Variants in PSD3 observed in about 807,000 individuals in gnomAD.
PSD3 encodes PH and SEC7 domain-containing protein 3.
In PSD3, 49 loss-of-function variants were observed where a neutral mutation model predicts 105.5. The observed-to-expected ratio is 0.46, with a 90% CI of 0.37 to 0.59. The LOEUF is 0.59. Among genes scored for constraint, PSD3 ranks in the 20% least tolerant of loss-of-function variants. The pLI, the probability that PSD3 is intolerant of heterozygous loss-of-function variation, is 0.00. For synonymous variants in PSD3, 557 were observed against 457.8 expected (o/e 1.22, Z -2.77); for missense variants, 1,561 against 1,263.8 (o/e 1.24, Z -3.57).
intron 11 of PSD3, among the ~76,000 whole-genome samples, chr8:18,601,013 T>C (rs1454228771): frequency 2.6e-5 from 4 of 152,260 alleles, no homozygotes; most frequent in African/African-American, 9.6e-5. Flanking sequence ...TGTACTATTT[T>C]CGTCTAAATG....
At chr8:18,994,687 C>A (rs1381408760) in intron 1 of PSD3, among the ~76,000 whole-genome samples, 10 of 151,904 alleles carry the variant, frequency 6.6e-5, no homozygotes, top group African/African-American at 2.2e-4. Context: ...ATATTACCTA[C>A]ATTACTTCCA....
intron 14 of PSD3, among the ~76,000 whole-genome samples, chr8:18,558,182 C>A (rs1801191953): frequency 6.6e-6 from 1 of 152,194 alleles, no homozygotes; most frequent in African/African-American, 2.4e-5. Context: ...TTTGTTATGG[C>A]AGCCTGAGCT....
intron 9 of PSD3, among the ~76,000 whole-genome samples, chr8:18,760,957 C>T (rs1806476228): frequency 6.6e-6 from 1 of 152,208 alleles, no homozygotes; most frequent in South Asian, 2.1e-4. Context: ...TAATTCACAT[C>T]TCCATCAATA....
upstream of PSD3, among the ~76,000 whole-genome samples, chr8:19,017,050 C>CTTT (rs60211350): frequency 2.6e-5 from 3 of 115,598 alleles, no homozygotes; most frequent in Non-Finnish European, 3.6e-5. Context: ...TGGCTACATA[C>CTTT]TTTTTTTTTT....
chr8:18,710,994 A>T (rs1802217555), intron 9 of PSD3, among the ~76,000 whole-genome samples: 1 of 125,632 alleles, frequency 8.0e-6, no homozygotes, highest in Non-Finnish European at 1.6e-5. Flanking sequence ...CAACATTCTT[A>T]AAAAAAAGAA....
chr8:18,949,928 G>A (rs1352860607), intron 1 of PSD3, among the ~76,000 whole-genome samples: 1 of 151,964 alleles, frequency 6.6e-6, no homozygotes, highest in Non-Finnish European at 1.5e-5. Flanking sequence ...TACATTATAT[G>A]GGTGCTTAAT....
chr8:18,738,243 C>T (rs1804298551), intron 9 of PSD3, among the ~76,000 whole-genome samples: 1 of 152,092 alleles, frequency 6.6e-6, no homozygotes, highest in Non-Finnish European at 1.5e-5. Flanking sequence ...GTGGGAAAAC[C>T]ATGGCAGTGA....
rs74304234 is a variant in PSD3, at chr8:19,053,493, G to A, written c.324+30713C>T. 2.0e-3 allele frequency among the ~76,000 whole-genome samples: 303 copies of A among 152,268 alleles called. 5 individuals carry two copies. In the East Asian group the frequency reaches 0.043, roughly 22 times the overall value. ...TTAAGATGAACTTGGAAAAACATCT[G>A]AAGCCTAATCAAGAGGGAACACAGG... On this transcript the variant is annotated intron_variant, in intron 1 of 1. Coordinates refer to the PSD3 transcript ENST00000521475.
At chr8:18,774,964 A>G (rs1486010706) in intron 8 of PSD3, 4 of 456,018 alleles carry the variant, frequency 8.8e-6, no homozygotes, top group African/African-American at 4.0e-5. Flanking sequence ...AGGGAAAGAG[A>G]AAAGTGCCCA....
At chr8:18,918,125 G>T (rs1184948690) in intron 2 of PSD3, among the ~76,000 whole-genome samples, 2 of 152,006 alleles carry the variant, frequency 1.3e-5, no homozygotes, top group African/African-American at 4.8e-5. Flanking sequence ...CTTTAGCATG[G>T]CACGTAAGAC....
intron 11 of PSD3, among the ~76,000 whole-genome samples, chr8:18,625,731 T>C (rs2130736021): frequency 6.6e-6 from 1 of 152,330 alleles, no homozygotes; most frequent in Admixed American, 6.5e-5. Flanking sequence ...TGCTATTCTA[T>C]ACTACATCCT....
intron 8 of PSD3, among the ~76,000 whole-genome samples, chr8:18,792,096 A>C (rs1374800385): frequency 6.6e-6 from 1 of 152,212 alleles, no homozygotes; most frequent in Non-Finnish European, 1.5e-5. Context: ...AAGAAAAAGG[A>C]ATGCTTTTAC....
chr8:18,613,668 G>T (rs947243354), intron 11 of PSD3, among the ~76,000 whole-genome samples: 4 of 152,080 alleles, frequency 2.6e-5, no homozygotes, highest in African/African-American at 9.7e-5. Context: ...ACTTCAGTTA[G>T]GTCTCTGCTC....
chr8:18,598,783 T>C (rs1380875506), intron 12 of PSD3, among the ~76,000 whole-genome samples: 1 of 151,980 alleles, frequency 6.6e-6, no homozygotes, highest in Admixed American at 6.6e-5. Flanking sequence ...AATAATACCA[T>C]TTACAACAGC....
At chr8:18,900,643 CTTTT>C (rs34004085) in intron 2 of PSD3, among the ~76,000 whole-genome samples, 2 of 83,978 alleles carry the variant, frequency 2.4e-5, no homozygotes. Context: ...AGAGACAACT[CTTTT>C]TTTTTTTTTT....
chr8:18,705,806 T>A (rs1265463736), intron 9 of PSD3, among the ~76,000 whole-genome samples: 1 of 152,188 alleles, frequency 6.6e-6, no homozygotes, highest in African/African-American at 2.4e-5. Flanking sequence ...GAATGAGTAT[T>A]CGTGATCAAG....
chr8:18,974,802 C>A (rs1253910176), intron 1 of PSD3, among the ~76,000 whole-genome samples: 1 of 152,064 alleles, frequency 6.6e-6, no homozygotes, highest in Non-Finnish European at 1.5e-5. Context: ...GACCTGCTAG[C>A]TATACATCCA....
chr8:19,033,113 A>G (rs1480100523), intron 1 of PSD3, among the ~76,000 whole-genome samples: 1 of 151,916 alleles, frequency 6.6e-6, no homozygotes, highest in African/African-American at 2.4e-5. Flanking sequence ...AAACAAACAA[A>G]CGGAACAAAA....
At chr8:18,781,083 G>C (rs1303217042) in intron 8 of PSD3, among the ~76,000 whole-genome samples, 1 of 151,872 alleles carries the variant, frequency 6.6e-6, no homozygotes, top group Non-Finnish European at 1.5e-5. Flanking sequence ...CACCACTTTG[G>C]AGTTATCATT....
Sources: gnomAD v4.1 joint callset for allele counts (sites outside exome capture counted in the v4.1 genomes callset) on GRCh38, gnomAD v4.1.1 for gene constraint, MANE v1.5 for transcripts, NCBI Gene and HGNC (gene_info 2026-07-23, HGNC 2026-07-21) for gene names.